Variants in UNC5D observed in about 807,000 individuals in gnomAD.
UNC5D encodes the protein unc-5 netrin receptor D.
Under a neutral mutation model 105.4 loss-of-function variants are expected in UNC5D, and 39 were observed. The observed-to-expected ratio is 0.37, with a 90% CI of 0.29 to 0.48. The LOEUF is 0.48. Among genes scored for constraint, UNC5D ranks in the 20% least tolerant of loss-of-function variants. The pLI, the probability that UNC5D is intolerant of heterozygous loss-of-function variation, is 0.98. For synonymous variants in UNC5D, 452 were observed against 450.4 expected, an observed-to-expected ratio of 1.00 and a Z score of -0.04; for missense variants, 991 against 1,202.4, an observed-to-expected ratio of 0.82 and a Z score of 2.60.
intron 1 of UNC5D, among the ~76,000 whole-genome samples, chr8:35,304,652 T>G (rs1198131395): frequency 6.6e-6 from 1 of 152,114 alleles, no homozygotes; most frequent in East Asian, 1.9e-4. Flanking sequence ...GAGTGAATAT[T>G]AAAAGACTGT....
chr8:35,308,112 A>ATGTGTGTGTGTGTGTG (rs374542443), intron 1 of UNC5D, among the ~76,000 whole-genome samples: 3 of 147,682 alleles, frequency 2.0e-5, no homozygotes, highest in African/African-American at 7.5e-5. Context: ...CTATGTCACA[A>ATGTGTGTGTGTGTGTG]TGTATGTGTG....
intron 16 of UNC5D, among the ~76,000 whole-genome samples, chr8:35,788,204 T>TGTGC (rs1278051835): frequency 4.0e-5 from 6 of 150,658 alleles, no homozygotes; most frequent in Non-Finnish European, 7.4e-5. Context: ...TGTGTGTGTG[T>TGTGC]GCGTGCATGC....
At chr8:35,733,138 A>G (rs1829286912) in intron 11 of UNC5D, among the ~76,000 whole-genome samples, 1 of 152,286 alleles carries the variant, frequency 6.6e-6, no homozygotes, top group Middle Eastern at 3.4e-3. Context: ...CAGGTAGCTG[A>G]AACCTTCCCA....
At chr8:35,254,390 G>A (rs1803928042) in intron 1 of UNC5D, 1 of 151,852 alleles carries the variant, frequency 6.6e-6, no homozygotes, top group African/African-American at 2.4e-5. Flanking sequence ...TTTTTTTCTT[G>A]AGCTTATTCC....
intron 11 of UNC5D, among the ~76,000 whole-genome samples, chr8:35,742,264 A>AG (rs1829800757): frequency 6.6e-6 from 1 of 152,170 alleles, no homozygotes; most frequent in African/African-American, 2.4e-5. Context: ...GAAAAAAAAA[A>AG]AAGAGAGAGA....
At chr8:35,700,176 A>C (rs1199245135) in intron 7 of UNC5D, among the ~76,000 whole-genome samples, 2 of 152,238 alleles carry the variant, frequency 1.3e-5, no homozygotes, top group Admixed American at 6.5e-5. Context: ...TTCAGAGGGC[A>C]TAACACCAGC....
At chr8:35,657,080 G>GTATGTATA (rs1554581698) in intron 4 of UNC5D, among the ~76,000 whole-genome samples, 4 of 46,516 alleles carry the variant, frequency 8.6e-5, no homozygotes, top group Non-Finnish European at 1.4e-4. Flanking sequence ...GTGTGTGTGT[G>GTATGTATA]TATATATATA....
intron 1 of UNC5D, among the ~76,000 whole-genome samples, chr8:35,241,322 T>C (rs1802792624): frequency 6.6e-6 from 1 of 152,258 alleles, no homozygotes; most frequent in Non-Finnish European, 1.5e-5. Context: ...TGTTAATGTA[T>C]TCATTTTGGA....
At position 35,796,112 on chromosome 8, in the gene UNC5D, A is replaced by G. The variant is rs1303721865; in HGVS notation, c.*5549A>G. On this transcript the variant is annotated 3_prime_UTR_variant, in exon 17 of 17. Coordinates refer to ENST00000404895, the MANE Select transcript of UNC5D (RefSeq NM_080872.4). ...TTTTATTTGATGTGTTCAAAGCCAA[A>G]AAATAAAATAAAATAAAGCAGGGCT... 6.6e-6 allele frequency: 1 copy of G among 152,152 alleles called. No homozygotes were observed. Among genetic ancestry groups the G allele is most frequent in the Non-Finnish European group, 1.5e-5 (1 of 68,034 alleles). 9.4% of individuals were successfully genotyped at this position (152,152 alleles called of 1,614,324 possible). A position where few individuals can be genotyped will look rare whatever the true frequency, so the allele number is the denominator to read the frequency against.
At chr8:35,236,628 C>T (rs1802491181) in intron 1 of UNC5D, among the ~76,000 whole-genome samples, 1 of 152,184 alleles carries the variant, frequency 6.6e-6, no homozygotes, top group Non-Finnish European at 1.5e-5. Flanking sequence ...ACTTAGAAGC[C>T]TAGACCCCAT....
intron 2 of UNC5D, among the ~76,000 whole-genome samples, chr8:35,564,236 A>T (rs997084): frequency 0.23 from 34,475 of 151,808 alleles, 6,043 homozygotes; most frequent in African/African-American, 0.48. Flanking sequence ...AAGAGATGAA[A>T]GTGTCTTCTT....
intron 8 of UNC5D, among the ~76,000 whole-genome samples, chr8:35,716,538 CCTCAGTTTACACAT>C (rs1229545900): frequency 6.6e-6 from 1 of 152,176 alleles, no homozygotes; most frequent in Non-Finnish European, 1.5e-5. Context: ...AATTCTCTCA[CCTCAGTTTACACAT>C]CTCAGTGAAG....
chr8:35,707,529 C>T (rs1481433137), intron 8 of UNC5D, among the ~76,000 whole-genome samples: 1 of 152,024 alleles, frequency 6.6e-6, no homozygotes, highest in Non-Finnish European at 1.5e-5. Flanking sequence ...GAATATTTGG[C>T]CTGTGCTTGT....
At chr8:35,652,423 A>G (rs1586342336) in intron 4 of UNC5D, among the ~76,000 whole-genome samples, 1 of 152,222 alleles carries the variant, frequency 6.6e-6, no homozygotes, top group Non-Finnish European at 1.5e-5. Context: ...ACCTACTCTC[A>G]TTTCATACGC....
intron 7 of UNC5D, among the ~76,000 whole-genome samples, chr8:35,688,065 G>C (rs1826141691): frequency 6.6e-6 from 1 of 151,818 alleles, no homozygotes; most frequent in Admixed American, 6.6e-5. Context: ...CCGGGAGGCG[G>C]AGCTTGCAGT....
At chr8:35,293,125 A>C (rs1807201005) in intron 1 of UNC5D, among the ~76,000 whole-genome samples, 1 of 152,210 alleles carries the variant, frequency 6.6e-6, no homozygotes, top group South Asian at 2.1e-4. Flanking sequence ...TCTTCACTTT[A>C]ACTAGGCTGA....
At chr8:35,297,121 C>T (rs927668729) in intron 1 of UNC5D, among the ~76,000 whole-genome samples, 3 of 152,176 alleles carry the variant, frequency 2.0e-5, no homozygotes, top group Non-Finnish European at 4.4e-5. Context: ...ACAGGGTTCA[C>T]CTCAGCTAAC....
intron 1 of UNC5D, among the ~76,000 whole-genome samples, chr8:35,335,445 A>G (rs1456853654): frequency 2.6e-5 from 4 of 152,200 alleles, no homozygotes. Context: ...ATTAAATTAT[A>G]TGACTCATGT....
At chr8:35,443,821 T>C (rs915867163) in intron 1 of UNC5D, among the ~76,000 whole-genome samples, 3 of 151,974 alleles carry the variant, frequency 2.0e-5, no homozygotes, top group Non-Finnish European at 4.4e-5. Flanking sequence ...CATGGAAGTG[T>C]ATCAAAAGGT....
Sources: allele counts gnomAD v4.1 joint callset (sites outside exome capture counted in the v4.1 genomes callset), GRCh38; gene constraint gnomAD v4.1.1; transcripts MANE v1.5; gene names NCBI Gene and HGNC (gene_info 2026-07-23, HGNC 2026-07-21).